The following PPP2R2D variants were observed in gnomAD, a reference collection of about 807,000 sequenced individuals.
PPP2R2D encodes serine/threonine-protein phosphatase 2A 55 kDa regulatory subunit B delta isoform.
PPP2R2D carries 9 observed loss-of-function variants against 31.1 expected under a neutral mutation model. That is an observed-to-expected ratio of 0.29 (90% CI 0.17 to 0.51). The LOEUF (loss-of-function observed/expected upper bound fraction) is 0.51, where lower values mean the gene tolerates loss of function less well. Among genes scored for constraint, PPP2R2D ranks in the 20% least tolerant of loss-of-function variants. PPP2R2D has a pLI of 0.98. For missense variants in PPP2R2D, 391 were observed against 465.6 expected (o/e 0.84, Z 1.48); for synonymous variants, 179 against 172.6 (o/e 1.04, Z -0.29).
chr10:131,965,952 CTA>C, the PPP2R2D span, among the ~76,000 whole-genome samples: 1 of 152,224 alleles, frequency 6.6e-6, no homozygotes, highest in Non-Finnish European at 1.5e-5. Flanking sequence ...TCTCGAGTCT[CTA>C]TGCGTGGGCA....
At chr10:131,932,218 A>T (rs961282249) in intron 2 of PPP2R2D, among the ~76,000 whole-genome samples, 1 of 152,086 alleles carries the variant, frequency 6.6e-6, no homozygotes, top group Non-Finnish European at 1.5e-5. Flanking sequence ...GTGCCACGGC[A>T]GGTGGAGTGT....
Position 131,938,532 on chromosome 10 carries a change from C to T in PPP2R2D, c.199-1499C>T, listed in dbSNP as rs148184511. 4.5e-4 allele frequency among the ~76,000 whole-genome samples: 69 copies of T among 152,330 alleles called. 2 individuals are homozygous for T. The highest frequency in any genetic ancestry group is 1.5e-3 in the African/African-American group (62 of 41,582). On this transcript the variant is annotated intron_variant, in intron 3 of 8. Transcript: ENST00000455566. ...TCCTGTTGTCCCCTCCCCATTTCAG[C>T]CTGCTACTTTCCTCCTGGTCTTTTT...
chr10:131,965,447 C>T, the PPP2R2D span, among the ~76,000 whole-genome samples: 1 of 152,198 alleles, frequency 6.6e-6, no homozygotes, highest in Non-Finnish European at 1.5e-5. Context: ...GTCAAAAAAA[C>T]TAGGGGGCTT....
At chr10:131,948,813 G>A (rs748809333) in intron 8 of PPP2R2D, among the ~76,000 whole-genome samples, 2 of 152,150 alleles carry the variant, frequency 1.3e-5, no homozygotes, top group Admixed American at 1.3e-4. Context: ...CTGAAGCCTT[G>A]GCCCACACGA....
intron 3 of PPP2R2D, 190 bp downstream of exon 3, chr10:131,934,745 T>A: frequency 1.7e-6 from 1 of 583,448 alleles, no homozygotes; most frequent in Non-Finnish European, 3.2e-6. Flanking sequence ...CCCGGTGAAG[T>A]CTCCAAGGCC....
chr10:131,901,819 C>T (rs1296349553), intron 2 of PPP2R2D, among the ~76,000 whole-genome samples: 1 of 152,114 alleles, frequency 6.6e-6, no homozygotes, highest in African/African-American at 2.4e-5. Context: ...ATCGGCGGTG[C>T]GCTCTTGAGC....
At chr10:131,948,703 C>T (rs1397968907) in intron 8 of PPP2R2D, among the ~76,000 whole-genome samples, 1 of 152,246 alleles carries the variant, frequency 6.6e-6, no homozygotes, top group Non-Finnish European at 1.5e-5. Flanking sequence ...ACCACTGCCC[C>T]TGTGAACAGC....
intron 7 of PPP2R2D, among the ~76,000 whole-genome samples, chr10:131,946,184 G>A (rs1445969419): frequency 6.6e-6 from 1 of 152,264 alleles, no homozygotes; most frequent in Admixed American, 6.5e-5. Context: ...ACTTCCCTTA[G>A]CTGAAAGTCT....
At chr10:131,933,954 C>T (rs1173312186) in intron 2 of PPP2R2D, among the ~76,000 whole-genome samples, 1 of 152,110 alleles carries the variant, frequency 6.6e-6, no homozygotes, top group African/African-American at 2.4e-5. Context: ...CAGACAATGA[C>T]ATGGAACTTC....
downstream of PPP2R2D, among the ~76,000 whole-genome samples, chr10:131,964,209 T>A (rs536876906): frequency 6.6e-5 from 10 of 152,208 alleles, no homozygotes; most frequent in Non-Finnish European, 1.2e-4. Context: ...GTTACTGTTT[T>A]CTTTGGTGTA....
chr10:131,970,465 G>T, the PPP2R2D span: 1 of 948,998 alleles, frequency 1.1e-6, no homozygotes, highest in Non-Finnish European at 1.5e-6. This position sits in a 1 kb window ranked among gnomAD's most constrained non-coding sequence, Gnocchi z 4.1. Context: ...GCCTTTGGGG[G>T]CTGCAGGCTG....
chr10:131,966,216 G>A, the PPP2R2D span, among the ~76,000 whole-genome samples: 1 of 152,190 alleles, frequency 6.6e-6, no homozygotes, highest in Non-Finnish European at 1.5e-5. Flanking sequence ...CTAAGCAGAT[G>A]TGTATGGGCA....
intron 2 of PPP2R2D, among the ~76,000 whole-genome samples, chr10:131,904,015 C>G (rs2035542720): frequency 1.3e-5 from 2 of 151,930 alleles, no homozygotes; most frequent in African/African-American, 4.8e-5. Context: ...ACTAGCCTGG[C>G]CAATATGGCG....
At chr10:131,924,337 AC>A (rs1455215758) in intron 2 of PPP2R2D, among the ~76,000 whole-genome samples, 1 of 152,160 alleles carries the variant, frequency 6.6e-6, no homozygotes, top group East Asian at 1.9e-4. Context: ...GCAGTTAATT[AC>A]ATTTATATAT....
Position 131,945,158 on chromosome 10 carries a change from G to A in PPP2R2D, c.656-137G>A. On this transcript the variant is annotated intron_variant, in intron 6 of 8. Transcript: ENST00000455566. This position sits in a 1 kb window ranked among gnomAD's most constrained non-coding sequence, Gnocchi z 4.8. ...CAGGCGCTCCTTTGGAATTCGGGAT[G>A]TGTAACCAGCCTTCTTAATAGCTAA... is the stretch of plus-strand genomic sequence containing the variant. 1 of 1,008,948 alleles carries A rather than the reference G, an allele frequency of 9.9e-7. No individual in the cohort carries two copies. Among genetic ancestry groups the A allele is most frequent in the South Asian group, 1.8e-5 (1 of 55,528 alleles). The allele number at this position is 1,008,948 out of a possible 1,614,324, so 62.5% of individuals were successfully genotyped here.
At chr10:131,955,573 C>CAGAAA in intron 8 of PPP2R2D, 111 bp from the exon 9 acceptor site, 1 of 927,834 alleles carries the variant, frequency 1.1e-6, no homozygotes, top group South Asian at 4.9e-5. Flanking sequence ...CTGAAAGTAA[C>CAGAAA]TGGGTTGTGG....
intron 2 of PPP2R2D, among the ~76,000 whole-genome samples, chr10:131,919,712 G>A (rs372323356): frequency 3.2e-5 from 4 of 125,866 alleles, no homozygotes; most frequent in African/African-American, 6.1e-5. Context: ...ACCTCAGGCC[G>A]GTGGAATGAC....
chr10:131,938,798 G>A (rs936393543), intron 3 of PPP2R2D, among the ~76,000 whole-genome samples: 5 of 152,136 alleles, frequency 3.3e-5, no homozygotes, highest in South Asian at 2.1e-4. Flanking sequence ...GTTGCCCTTC[G>A]CCTCTGGTTG....
At chr10:131,906,204 C>G (rs2035579733) in intron 2 of PPP2R2D, among the ~76,000 whole-genome samples, 1 of 152,132 alleles carries the variant, frequency 6.6e-6, no homozygotes, top group Non-Finnish European at 1.5e-5. Context: ...ACTAATTGCT[C>G]CTATGGAGAA....
Sources: allele counts gnomAD v4.1 joint callset (sites outside exome capture counted in the v4.1 genomes callset), GRCh38; gene constraint gnomAD v4.1.1; non-coding constraint Gnocchi (gnomAD v3.1); transcripts MANE v1.5; gene names NCBI Gene and HGNC (gene_info 2026-07-23, HGNC 2026-07-21).